Variants in DPY19L3 observed in about 807,000 individuals in gnomAD.
The protein encoded by DPY19L3 is protein C-mannosyl-transferase DPY19L3.
Under a neutral mutation model 92.3 loss-of-function variants are expected in DPY19L3, and 51 were observed. The ratio of observed to expected loss-of-function variants is 0.55; its 90% confidence interval spans 0.44 to 0.70. DPY19L3 has a LOEUF of 0.70. Ranked by LOEUF, DPY19L3 falls within the 30% of genes least tolerant of loss-of-function variation. DPY19L3 has a pLI of 0.00. For missense variants in DPY19L3, 706 were observed against 855.9 expected (o/e 0.82, Z 2.18); for synonymous variants, 309 against 315.2 (o/e 0.98, Z 0.21).
At chr19:32,468,685 T>C in intron 15 of DPY19L3, 46 bp from the exon 16 acceptor site, 1 of 1,608,844 alleles carries the variant, frequency 6.2e-7, no homozygotes, top group East Asian at 2.2e-5. Context: ...TAGTTGTGGG[T>C]GTAGGGGTGG....
intron 18 of DPY19L3, 88 bp from the exon 19 acceptor site, chr19:32,481,991 C>A: frequency 6.9e-7 from 1 of 1,444,500 alleles, no homozygotes; most frequent in Non-Finnish European, 9.4e-7. Flanking sequence ...ACATACCATT[C>A]TTAAACCCAA....
At chr19:32,459,180 G>GA (rs1326445100) in intron 12 of DPY19L3, among the ~76,000 whole-genome samples, 1 of 152,056 alleles carries the variant, frequency 6.6e-6, no homozygotes, top group Non-Finnish European at 1.5e-5. Context: ...TCTACTGAAA[G>GA]AAAAAAATCA....
At chr19:32,426,360 C>T (rs946963823) in intron 3 of DPY19L3, among the ~76,000 whole-genome samples, 2 of 152,222 alleles carry the variant, frequency 1.3e-5, no homozygotes, top group Admixed American at 6.5e-5. Flanking sequence ...TTGGTGCGTT[C>T]ACTGGAGTAG....
At chr19:32,457,199 CA>C (rs1969893057) in intron 10 of DPY19L3, among the ~76,000 whole-genome samples, 1 of 152,166 alleles carries the variant, frequency 6.6e-6, no homozygotes, top group African/African-American at 2.4e-5. Context: ...GATGTTTTGC[CA>C]GTGACCTACA....
intron 17 of DPY19L3, among the ~76,000 whole-genome samples, 175 bp downstream of exon 17, chr19:32,477,829 A>G (rs1970558021): frequency 1.3e-5 from 2 of 152,162 alleles, no homozygotes; most frequent in Admixed American, 6.5e-5. Flanking sequence ...CAATTTACAG[A>G]AGAAAGAGAG....
At position 32,406,546 on chromosome 19, in the gene DPY19L3, C is replaced by T. The variant is rs111809480; in HGVS notation, c.-38+637C>T. Among the ~76,000 whole-genome samples the T allele has an allele frequency of 1.8e-4, 27 of 152,014 alleles. 1 individual carries two copies. The highest frequency in any genetic ancestry group is 6.5e-4 in the African/African-American group (27 of 41,442). ...GGCTATTTTATTGTATAGATAGGGT[C>T]TCGCTCTGTTCCCCAGGCTGGTCTC... is the stretch of plus-strand genomic sequence containing the variant. On this transcript the variant is annotated intron_variant, in intron 1 of 18. Coordinates refer to ENST00000392250, the MANE Select transcript of DPY19L3 (RefSeq NM_001172774.2).
At chr19:32,479,550 A>G (rs1970610987) in intron 17 of DPY19L3, 1 of 400,570 alleles carries the variant, frequency 2.5e-6, no homozygotes, top group Non-Finnish European at 5.0e-6. Context: ...CTACCTCCCT[A>G]CCATTTCACC....
chr19:32,463,877 AC>A lies in DPY19L3; in HGVS notation c.1456del (p.Leu486SerfsTer24), dbSNP rs1970119805. 1 of 1,612,382 alleles carries A rather than the reference AC, an allele frequency of 6.2e-7. No homozygotes were observed. Among genetic ancestry groups the A allele is most frequent in the Non-Finnish European group, 8.5e-7 (1 of 1,178,970 alleles). On this transcript the variant is annotated frameshift_variant, in exon 14 of 19. Coordinates refer to ENST00000392250, the MANE Select transcript of DPY19L3 (RefSeq NM_001172774.2). LOFTEE classifies it high-confidence loss of function. ...TGTGTCTGTTCTTGCAGAATGAAGTACCTCTGGACGTCACACATGTGTGTGT... is the reference window on the plus strand; with the variant it reads ...TGTGTCTGTTCTTGCAGAATGAAGTACTCTGGACGTCACACATGTGTGTGT... ...FLALSTMRMK[Y>X]LWTSHMCVFA...
At chr19:32,428,456 G>A (rs942821252) in intron 3 of DPY19L3, among the ~76,000 whole-genome samples, 4 of 152,152 alleles carry the variant, frequency 2.6e-5, no homozygotes, top group African/African-American at 9.7e-5. Flanking sequence ...TCATGGGTGA[G>A]TAGGAATAGG....
At chr19:32,443,648 G>A (rs1456261732) in intron 8 of DPY19L3, among the ~76,000 whole-genome samples, 2 of 152,084 alleles carry the variant, frequency 1.3e-5, no homozygotes, top group African/African-American at 2.4e-5. Context: ...CCCAGATTAC[G>A]GTATTTTGTT....
Position 32,453,282 on chromosome 19 carries a change from A to C in DPY19L3, c.987+6A>C. On this transcript the variant is annotated splice_donor_region_variant and intron_variant, in intron 9 of 18. Coordinates refer to ENST00000392250, the MANE Select transcript of DPY19L3 (RefSeq NM_001172774.2). ...TCATTGCAAGAAAACTTCAGGTAGG[A>C]CTTTTTTTTTGTCCTTTATCAAAGT... is the stretch of plus-strand genomic sequence containing the variant. 1 of 1,591,528 alleles carries C rather than the reference A, an allele frequency of 6.3e-7. No homozygotes were observed. Among genetic ancestry groups the C allele is most frequent in the Non-Finnish European group, 8.5e-7 (1 of 1,173,556 alleles).
In DPY19L3 at chr19:32,436,402, TA is replaced by T. The variant is rs1287851452; in HGVS notation, c.329-43del. On this transcript the variant is annotated intron_variant, in intron 4 of 18. Coordinates refer to ENST00000392250, the MANE Select transcript of DPY19L3 (RefSeq NM_001172774.2). Reference sequence around the variant, plus strand: ...GCATAGTTTTGAATGAATGAATAATTATGAGTGTAATTATTTTCTTCCTGAC... The same window carrying T: ...GCATAGTTTTGAATGAATGAATAATTTGAGTGTAATTATTTTCTTCCTGAC... 2.9e-6 allele frequency: 4 copies of T among 1,356,866 alleles called. No homozygotes were observed. The African/African-American group carries it at 5.9e-5, about 20-fold the overall frequency. 84.1% of individuals were successfully genotyped at this position (1,356,866 alleles called of 1,614,324 possible).
intron 16 of DPY19L3, among the ~76,000 whole-genome samples, chr19:32,474,507 C>T (rs1970447792): frequency 6.6e-6 from 1 of 152,154 alleles, no homozygotes; most frequent in Non-Finnish European, 1.5e-5. Flanking sequence ...TTGCAGTAAG[C>T]ATTAGTAAAT....
intron 1 of DPY19L3, among the ~76,000 whole-genome samples, chr19:32,406,592 T>C (rs1433247925): frequency 1.3e-5 from 2 of 152,036 alleles, no homozygotes; most frequent in Non-Finnish European, 2.9e-5. Flanking sequence ...TCTGAAGTCA[T>C]CCTCCTGCCT....
chr19:32,463,745 C>A, intron 13 of DPY19L3, 124 bp from the exon 14 acceptor site: 1 of 910,952 alleles, frequency 1.1e-6, no homozygotes. Context: ...CGGCAAATGG[C>A]ATCTGCATAG....
At chr19:32,418,822 A>G (rs181655458) in intron 3 of DPY19L3, among the ~76,000 whole-genome samples, 38 of 152,328 alleles carry the variant, frequency 2.5e-4, no homozygotes, top group African/African-American at 8.7e-4. Flanking sequence ...AGTATTGGTT[A>G]TGTAATAGAC....
intron 14 of DPY19L3, 96 bp downstream of exon 14, chr19:32,464,076 G>C (rs1346836905): frequency 3.2e-6 from 2 of 619,102 alleles, no homozygotes; most frequent in South Asian, 6.5e-5. Context: ...GAGATAAAAT[G>C]GATACTGAAA....
chr19:32,470,003 G>A (rs1307462953), intron 16 of DPY19L3, among the ~76,000 whole-genome samples: 1 of 152,206 alleles, frequency 6.6e-6, no homozygotes, highest in Non-Finnish European at 1.5e-5. Flanking sequence ...GTACAGGTCA[G>A]CCCTGCGTGT....
chr19:32,480,447 C>G lies in DPY19L3; in HGVS notation c.1879C>G (p.Leu627Val), dbSNP rs1970638195. The G allele has an allele frequency of 3.7e-6, 6 of 1,614,166 alleles. No individual in the cohort carries two copies. The highest frequency in any genetic ancestry group is 5.1e-6 in the Non-Finnish European group (6 of 1,180,000). The change falls in exon 18 of 19, where the codon CTA (leucine) becomes GTA (valine). Residue 627 changes from leucine to valine, a missense_variant. Leu to Val is a conservative substitution (Grantham distance 32, BLOSUM62 1). Transcript: ENST00000392250. ...KRAPEEVHAL[L>V]RSFGTDYVIL... ...GGCACCAGAGGAAGTGCATGCCCTC[C>G]TAAGGTCCTTCGGCACTGACTACGT...
Sources: gnomAD v4.1 joint callset for allele counts (sites outside exome capture counted in the v4.1 genomes callset) on GRCh38, gnomAD v4.1.1 for gene constraint, MANE v1.5 for transcripts, NCBI Gene and HGNC (gene_info 2026-07-23, HGNC 2026-07-21) for gene names.